The following RSRC1 variants were observed in gnomAD, a reference collection of about 807,000 sequenced individuals.
The protein encoded by RSRC1 is arginine and serine rich coiled-coil 1, also known as serine/Arginine-related protein 53.
Under a neutral mutation model 49.1 loss-of-function variants are expected in RSRC1, and 39 were observed. The ratio of observed to expected loss-of-function variants is 0.79; its 90% CI spans 0.61 to 1.04. The LOEUF is 1.04. Ranked by LOEUF, RSRC1 falls within the 50% of genes least tolerant of loss-of-function variation. The pLI is 0.00. For synonymous variants in RSRC1, 143 were observed against 130.8 expected (o/e 1.09, Z -0.63); for missense variants, 388 against 402.4 (o/e 0.96, Z 0.31).
intron 6 of RSRC1, among the ~76,000 whole-genome samples, chr3:158,443,543 A>G (rs1278852144): frequency 6.6e-6 from 1 of 152,178 alleles, no homozygotes; most frequent in Non-Finnish European, 1.5e-5. Flanking sequence ...TTTGCTCTGG[A>G]TTAGGCTTTT....
chr3:158,143,627 T>C (rs1404293838), intron 3 of RSRC1, among the ~76,000 whole-genome samples: 1 of 152,200 alleles, frequency 6.6e-6, no homozygotes, highest in Non-Finnish European at 1.5e-5. Flanking sequence ...GTGATTGTTA[T>C]GTTACTAACA....
At chr3:158,121,141 GATACCACT>G (rs1715231214) in intron 1 of RSRC1, among the ~76,000 whole-genome samples, 1 of 151,418 alleles carries the variant, frequency 6.6e-6, no homozygotes, top group Non-Finnish European at 1.5e-5. Flanking sequence ...TATCTCAATG[GATACCACT>G]ATAATAATGC....
At chr3:158,202,396 G>T (rs1721094822) in intron 3 of RSRC1, among the ~76,000 whole-genome samples, 1 of 151,046 alleles carries the variant, frequency 6.6e-6, no homozygotes, top group Non-Finnish European at 1.5e-5. Flanking sequence ...TGTTGAATAG[G>T]CTCAGAAGGA....
intron 5 of RSRC1, among the ~76,000 whole-genome samples, chr3:158,332,305 A>T (rs1165479498): frequency 6.6e-6 from 1 of 152,180 alleles, no homozygotes; most frequent in Non-Finnish European, 1.5e-5. Context: ...TTGTGATTAT[A>T]CTAATGTTGA....
intron 3 of RSRC1, among the ~76,000 whole-genome samples, chr3:158,172,650 T>C (rs536763584): frequency 4.5e-4 from 69 of 152,282 alleles, no homozygotes; most frequent in African/African-American, 1.5e-3. Flanking sequence ...TGTGAACCCA[T>C]TTTTGGCCCT....
At chr3:158,122,340 A>G in intron 2 of RSRC1, 42 bp downstream of exon 2, 3 of 1,257,046 alleles carry the variant, frequency 2.4e-6, no homozygotes, top group Non-Finnish European at 2.1e-6. Context: ...TGAGGATAAC[A>G]TTCTTTAAAA....
chr3:158,113,163 A>G (rs555365186), intron 1 of RSRC1, among the ~76,000 whole-genome samples: 1 of 152,056 alleles, frequency 6.6e-6, no homozygotes, highest in Non-Finnish European at 1.5e-5. Context: ...TATACCCAGT[A>G]ATGGGATTGC....
chr3:158,437,681 G>A (rs929096266), intron 6 of RSRC1, among the ~76,000 whole-genome samples: 1 of 152,050 alleles, frequency 6.6e-6, no homozygotes, highest in Non-Finnish European at 1.5e-5. Flanking sequence ...AATAATAAGA[G>A]CTATTTATGA....
chr3:158,413,094 T>G (rs1231196400), intron 6 of RSRC1, among the ~76,000 whole-genome samples: 1 of 152,118 alleles, frequency 6.6e-6, no homozygotes, highest in Non-Finnish European at 1.5e-5. Flanking sequence ...CAAACTATAC[T>G]ACAAGGCTAC....
chr3:158,544,307 GCAGTAA>G lies in RSRC1; in HGVS notation c.*35_*40del. On this transcript the variant is annotated 3_prime_UTR_variant, in exon 10 of 10. Transcript: ENST00000611884. Reference sequence around the variant, plus strand: ...TACATATAGTTGGATTGGATTGTCAGCAGTAACATTGGAAATTTAGGTTTTTAAATC... The same window carrying G: ...TACATATAGTTGGATTGGATTGTCAGCATTGGAAATTTAGGTTTTTAAATC... The G allele has an allele frequency of 7.4e-7, 1 of 1,359,904 alleles. No individual in the cohort carries two copies. The allele number at this position is 1,359,904 out of a possible 1,614,324, so 84.2% of individuals were successfully genotyped here.
At chr3:158,370,283 ATTCC>A (rs1282371332) in intron 6 of RSRC1, among the ~76,000 whole-genome samples, 4 of 151,954 alleles carry the variant, frequency 2.6e-5, no homozygotes, top group Admixed American at 2.6e-4. Context: ...ACATGATAAA[ATTCC>A]CCAGTATTTA....
At chr3:158,342,804 T>A (rs1344507190) in intron 5 of RSRC1, among the ~76,000 whole-genome samples, 1 of 152,176 alleles carries the variant, frequency 6.6e-6, no homozygotes, top group African/African-American at 2.4e-5. Flanking sequence ...CTCGAGACAG[T>A]GAACATCAAA....
At chr3:158,407,338 G>A (rs1361975535) in intron 6 of RSRC1, among the ~76,000 whole-genome samples, 1 of 152,112 alleles carries the variant, frequency 6.6e-6, no homozygotes, top group Non-Finnish European at 1.5e-5. Flanking sequence ...AAAACATCAT[G>A]AATATGCCTT....
At chr3:158,198,014 G>T (rs1385543559) in intron 3 of RSRC1, among the ~76,000 whole-genome samples, 1 of 152,066 alleles carries the variant, frequency 6.6e-6, no homozygotes, top group Non-Finnish European at 1.5e-5. Context: ...GGTCGGCTTG[G>T]TGCAGAGCTG....
At chr3:158,374,680 A>G (rs1036269491) in intron 6 of RSRC1, among the ~76,000 whole-genome samples, 3 of 152,196 alleles carry the variant, frequency 2.0e-5, no homozygotes, top group African/African-American at 7.2e-5. Flanking sequence ...AGAACCTTAT[A>G]CATGTCTAAT....
At chr3:158,437,037 G>A (rs1178622776) in intron 6 of RSRC1, among the ~76,000 whole-genome samples, 2 of 150,364 alleles carry the variant, frequency 1.3e-5, no homozygotes, top group Admixed American at 6.6e-5. Context: ...TCATTTTATG[G>A]CTAGATTAAT....
intron 3 of RSRC1, among the ~76,000 whole-genome samples, chr3:158,156,202 T>C (rs1463045857): frequency 2.0e-5 from 3 of 152,230 alleles, no homozygotes; most frequent in Non-Finnish European, 2.9e-5. Flanking sequence ...GTTATGGAGA[T>C]GAGTTCTTTT....
In RSRC1 at chr3:158,543,441, C is replaced by T. The variant is rs757961112; in HGVS notation, c.866C>T (p.Pro289Leu). The change falls in exon 9 of 10, where the codon CCT becomes CTT. Residue 289 changes from proline to leucine, a missense_variant. Physicochemically the swap from Pro to Leu is moderately conservative, Grantham distance 98 (BLOSUM62 -3). Transcript: ENST00000611884. ...TEKEIDPTSI[P>L]TAIKYQDDNS... The stretch of plus-strand genomic sequence containing the variant: ...AAAGAAATAGATCCTACCAGCATCC[C>T]TACTGCTATCAAGTACCAAGATGAC... 7 of 1,611,476 alleles carry T rather than the reference C, an allele frequency of 4.3e-6. No homozygotes were observed. The highest frequency in any genetic ancestry group is 1.7e-5 in the Admixed American group (1 of 59,656).
intron 4 of RSRC1, among the ~76,000 whole-genome samples, chr3:158,231,892 C>T (rs114858210): frequency 1.3e-5 from 2 of 152,012 alleles, no homozygotes; most frequent in Non-Finnish European, 2.9e-5. Context: ...ACTAACTCTT[C>T]AAGCACAATA....
Sources: allele counts gnomAD v4.1 joint callset (sites outside exome capture counted in the v4.1 genomes callset), GRCh38; gene constraint gnomAD v4.1.1; transcripts MANE v1.5; gene names NCBI Gene and HGNC (gene_info 2026-07-23, HGNC 2026-07-21).